ARL6IP6: variants seen among roughly 807,000 people sequenced by gnomAD.
ARL6IP6 encodes ADP-ribosylation factor-like protein 6-interacting protein 6.
ARL6IP6 carries 22 observed loss-of-function variants against 21.5 expected under a neutral mutation model. That is an observed-to-expected ratio of 1.02 (90% CI 0.73 to 1.46). The LOEUF is 1.46. ARL6IP6 is among the 40% of genes most tolerant of loss of function. The probability of loss-of-function intolerance (pLI) is 0.00; values close to 1 mark genes in which losing one functional copy is unlikely to be tolerated. For synonymous variants in ARL6IP6, 164 were observed against 125.3 expected (o/e 1.31, Z -2.06); for missense variants, 388 against 299.8 (o/e 1.29, Z -2.17).
chr2:152,731,914 T>C (rs1226342589), intron 2 of ARL6IP6, among the ~76,000 whole-genome samples: 1 of 152,142 alleles, frequency 6.6e-6, no homozygotes, highest in African/African-American at 2.4e-5. Context: ...CTTTCAGTTT[T>C]TCAGCTCACC....
chr2:152,752,860 G>C (rs575472872), intron 3 of ARL6IP6, among the ~76,000 whole-genome samples: 16 of 152,258 alleles, frequency 1.1e-4, no homozygotes, highest in South Asian at 4.1e-4. Flanking sequence ...GCCTTAATTG[G>C]CTTTAGGTTC....
intron 3 of ARL6IP6, among the ~76,000 whole-genome samples, chr2:152,744,641 C>T (rs190338935): frequency 7.2e-5 from 11 of 151,982 alleles, no homozygotes; most frequent in Admixed American, 6.6e-5. Flanking sequence ...TACAAATCAG[C>T]GGGTATCTGC....
chr2:152,718,315 G>A, upstream of ARL6IP6: 1 of 301,526 alleles, frequency 3.3e-6, no homozygotes, highest in South Asian at 1.3e-4. Flanking sequence ...GGAGGTCTCC[G>A]GCCGGGACGA....
intron 3 of ARL6IP6, among the ~76,000 whole-genome samples, chr2:152,758,529 T>G (rs935830426): frequency 3.9e-5 from 6 of 152,090 alleles, no homozygotes; most frequent in African/African-American, 1.4e-4. Flanking sequence ...TATTTTACGA[T>G]GTAGATAGGT....
At chr2:152,722,591 G>A (rs1273444290) in intron 2 of ARL6IP6, among the ~76,000 whole-genome samples, 2 of 152,166 alleles carry the variant, frequency 1.3e-5, no homozygotes, top group Non-Finnish European at 2.9e-5. Flanking sequence ...GGGCCAAGAT[G>A]ATTAAGCTCT....
At chr2:152,725,886 G>A (rs1038079757) in intron 2 of ARL6IP6, among the ~76,000 whole-genome samples, 9 of 152,026 alleles carry the variant, frequency 5.9e-5, no homozygotes, top group Non-Finnish European at 1.0e-4. Context: ...TTTTTTTCCT[G>A]CTGTCTTTTT....
Position 152,746,922 on chromosome 2 carries a change from C to T in ARL6IP6, c.587+11796C>T, listed in dbSNP as rs574620929. ...CTCACTGCAGCCTCAACTGCCTGGG[C>T]TCAAACAACCCTCCTGCCTCCGCCT... On this transcript the variant is annotated intron_variant, in intron 3 of 3. Coordinates refer to ENST00000326446, the MANE Select transcript of ARL6IP6 (RefSeq NM_152522.7). Among the ~76,000 whole-genome samples the T allele has an allele frequency of 6.7e-4, 95 of 141,292 alleles. 2 individuals are homozygous for T. Among genetic ancestry groups the T allele is most frequent in the African/African-American group, 2.5e-3 (93 of 37,674 alleles). 92.7% of individuals were successfully genotyped at this position (141,292 alleles called of 152,430 possible).
intron 2 of ARL6IP6, among the ~76,000 whole-genome samples, chr2:152,729,086 C>T (rs1700178518): frequency 6.6e-6 from 1 of 151,598 alleles, no homozygotes; most frequent in South Asian, 2.1e-4. Context: ...ATATACATCA[C>T]TTTGGCTGGG....
intron 2 of ARL6IP6, among the ~76,000 whole-genome samples, chr2:152,727,281 T>C (rs1256383325): frequency 1.3e-5 from 2 of 152,166 alleles, no homozygotes; most frequent in African/African-American, 4.8e-5. Context: ...GCTTATAGAG[T>C]AATGGTATAA....
intron 2 of ARL6IP6, among the ~76,000 whole-genome samples, chr2:152,726,366 C>CTG (rs10693969): frequency 0.83 from 125,751 of 152,050 alleles, 52,121 homozygotes; most frequent in Admixed American, 0.86. Flanking sequence ...ACCATGCACT[C>CTG]TGCACCCACT....
At chr2:152,743,135 A>G (rs922641945) in intron 3 of ARL6IP6, among the ~76,000 whole-genome samples, 1 of 149,390 alleles carries the variant, frequency 6.7e-6, no homozygotes, top group Non-Finnish European at 1.5e-5. Context: ...GTTTTCTCCT[A>G]GTACCTGTAT....
chr2:152,761,880 A>G lies in ARL6IP6; in HGVS notation c.*2040A>G, dbSNP rs1035392765. Reference sequence around the variant, plus strand: ...GCTTTTCTCAGAATATATCCTTGTCATTAAGCCAAACATGACTATATATAC... The same window carrying G: ...GCTTTTCTCAGAATATATCCTTGTCGTTAAGCCAAACATGACTATATATAC... On this transcript the variant is annotated 3_prime_UTR_variant, in exon 4 of 4. Coordinates refer to ENST00000326446, the MANE Select transcript of ARL6IP6 (RefSeq NM_152522.7). Among the ~76,000 whole-genome samples the G allele has an allele frequency of 6.6e-6, 1 of 152,216 alleles. No individual in the cohort carries two copies. Among genetic ancestry groups the G allele is most frequent in the African/African-American group, 2.4e-5 (1 of 41,466 alleles).
At chr2:152,734,914 T>C (rs919487287) in intron 2 of ARL6IP6, 80 bp from the exon 3 acceptor site, 1 of 1,371,560 alleles carries the variant, frequency 7.3e-7, no homozygotes, top group African/African-American at 1.4e-5. Flanking sequence ...ATATACATGA[T>C]CTGAACATGA....
chr2:152,761,777 G>C lies in ARL6IP6; in HGVS notation c.*1937G>C, dbSNP rs994018566. Among the ~76,000 whole-genome samples, 5 of 152,218 alleles carry C rather than the reference G, an allele frequency of 3.3e-5. No individual in the cohort carries two copies. In the East Asian group the frequency reaches 7.7e-4, roughly 23 times the overall value. ...GCAATAAGCTATACCATATAGCCTAGGTGTGTAGTAGGCTATACCATCTAG... is the reference window on the plus strand; with the variant it reads ...GCAATAAGCTATACCATATAGCCTACGTGTGTAGTAGGCTATACCATCTAG... On this transcript the variant is annotated 3_prime_UTR_variant, in exon 4 of 4. Transcript: ENST00000326446.
At chr2:152,722,357 C>A (rs1034278547) in intron 2 of ARL6IP6, among the ~76,000 whole-genome samples, 13 of 152,172 alleles carry the variant, frequency 8.5e-5, no homozygotes, top group Non-Finnish European at 1.8e-4. Flanking sequence ...AACCCAACAG[C>A]TATGCCAAAA....
intron 3 of ARL6IP6, among the ~76,000 whole-genome samples, chr2:152,759,058 T>G (rs1033465910): frequency 6.6e-6 from 1 of 152,190 alleles, no homozygotes; most frequent in African/African-American, 2.4e-5. Flanking sequence ...CAAATAGTAT[T>G]ATTGCAATAC....
chr2:152,744,559 T>G (rs1700962225), intron 3 of ARL6IP6, among the ~76,000 whole-genome samples: 1 of 152,178 alleles, frequency 6.6e-6, no homozygotes, highest in Non-Finnish European at 1.5e-5. Context: ...GTGGTGTCTT[T>G]TTTTCACAAA....
intron 1 of ARL6IP6, 34 bp from the exon 2 acceptor site, chr2:152,720,499 G>A (rs9646744): frequency 0.82 from 1,317,412 of 1,598,674 alleles, 544,270 homozygotes; most frequent in Admixed American, 0.88. Flanking sequence ...TTATAGTATT[G>A]CTTTCCTACC....
intron 2 of ARL6IP6, among the ~76,000 whole-genome samples, chr2:152,732,229 T>C (rs1365357650): frequency 1.3e-5 from 2 of 152,034 alleles, no homozygotes; most frequent in Non-Finnish European, 1.5e-5. Context: ...AAAGAACATA[T>C]ATGTGCATCA....
Sources: gnomAD v4.1 joint callset for allele counts (sites outside exome capture counted in the v4.1 genomes callset) on GRCh38, gnomAD v4.1.1 for gene constraint, MANE v1.5 for transcripts, NCBI Gene and HGNC (gene_info 2026-07-23, HGNC 2026-07-21) for gene names.